PROS1: variants seen among roughly 807,000 people sequenced by gnomAD.
The protein encoded by PROS1 is protein S.
A neutral mutation model predicts 75.9 loss-of-function variants in PROS1; 29 were observed. The ratio of observed to expected loss-of-function variants is 0.38; its 90% CI spans 0.28 to 0.52. PROS1 has a LOEUF of 0.52. Among genes scored for constraint, PROS1 ranks in the 20% least tolerant of loss-of-function variants. The pLI is 0.83. For missense variants in PROS1, 680 were observed against 810.3 expected, an observed-to-expected ratio of 0.84 and a Z score of 1.95; for synonymous variants, 245 against 280.6, an observed-to-expected ratio of 0.87 and a Z score of 1.27.
intron 8 of PROS1, 152 bp from the exon 9 acceptor site, chr3:93,896,843 T>G (rs4513491): frequency 2.2e-5 from 14 of 632,856 alleles, no homozygotes; most frequent in Non-Finnish European, 3.7e-5. Flanking sequence ...TAATAATAAA[T>G]ACATATCTTC....
intron 3 of PROS1, among the ~76,000 whole-genome samples, chr3:93,916,905 G>T (rs1708859681): frequency 1.3e-5 from 2 of 152,116 alleles, no homozygotes; most frequent in South Asian, 4.1e-4. Context: ...ATCTTGATTT[G>T]TCAATTCTAA....
chr3:93,908,286 C>T (rs567625770), intron 4 of PROS1, among the ~76,000 whole-genome samples: 3 of 152,146 alleles, frequency 2.0e-5, no homozygotes, highest in African/African-American at 7.2e-5. Context: ...AGGAGAACAC[C>T]GTAATTCCTA....
At chr3:93,967,793 G>A (rs1709813283) in intron 1 of PROS1, 1 of 152,208 alleles carries the variant, frequency 6.6e-6, no homozygotes, top group Non-Finnish European at 1.5e-5. Flanking sequence ...GGAGGCTGAG[G>A]TGGAAGGATC....
intron 1 of PROS1, among the ~76,000 whole-genome samples, chr3:93,961,052 G>A (rs1287923451): frequency 6.6e-6 from 1 of 151,964 alleles, no homozygotes. Flanking sequence ...AAAGCTTTAT[G>A]ATAGTTCAAT....
chr3:93,874,157 A>C lies in PROS1; in HGVS notation c.*88T>G. 6.9e-7 allele frequency: 1 copy of C among 1,453,626 alleles called. No individual in the cohort carries two copies. Among genetic ancestry groups the C allele is most frequent in the Non-Finnish European group, 9.6e-7 (1 of 1,039,696 alleles). 90.0% of individuals were successfully genotyped at this position (1,453,626 alleles called of 1,614,324 possible). ...GGACCACAAAATAATCAAAGACTGCACATTGTAAATAAAACCCTTCAGCTG... is the reference window on the plus strand; with the variant it reads ...GGACCACAAAATAATCAAAGACTGCCCATTGTAAATAAAACCCTTCAGCTG... On this transcript the variant is annotated 3_prime_UTR_variant, in exon 15 of 15. Coordinates refer to ENST00000394236, the MANE Select transcript of PROS1 (RefSeq NM_000313.4).
chr3:93,961,939 CT>C (rs983610202), intron 1 of PROS1, among the ~76,000 whole-genome samples: 9 of 152,092 alleles, frequency 5.9e-5, no homozygotes, highest in African/African-American at 1.9e-4. Flanking sequence ...TACGTCACCC[CT>C]ACCTATTCTC....
At chr3:93,924,819 T>G (rs1331867746) in intron 2 of PROS1, among the ~76,000 whole-genome samples, 1 of 152,028 alleles carries the variant, frequency 6.6e-6, no homozygotes, top group Non-Finnish European at 1.5e-5. Flanking sequence ...CATGCCACCA[T>G]GCACAGCTGG....
chr3:93,956,557 C>CACAA (rs1553819516), intron 1 of PROS1, among the ~76,000 whole-genome samples: 10 of 78,100 alleles, frequency 1.3e-4, no homozygotes, highest in South Asian at 1.2e-3. Context: ...CACACACACA[C>CACAA]ACACAAACAC....
At chr3:93,898,029 TA>T (rs897865039) in intron 8 of PROS1, among the ~76,000 whole-genome samples, 8 of 152,142 alleles carry the variant, frequency 5.3e-5, no homozygotes, top group Non-Finnish European at 1.0e-4. Context: ...ATAAACCCTA[TA>T]ACGCCTAAGG....
chr3:93,902,758 AAAAG>A (rs1287410706), intron 6 of PROS1, among the ~76,000 whole-genome samples: 2 of 152,080 alleles, frequency 1.3e-5, no homozygotes, highest in African/African-American at 4.8e-5. Flanking sequence ...TCAAAAAAAA[AAAAG>A]AAGAAGAAGA....
chr3:93,906,373 C>T (rs1311868935), intron 4 of PROS1, among the ~76,000 whole-genome samples: 3 of 152,336 alleles, frequency 2.0e-5, no homozygotes, highest in Admixed American at 6.5e-5. Flanking sequence ...TGTAGAGTGG[C>T]CGCTGCCAAG....
At chr3:93,935,782 C>T (rs1479452096) in intron 1 of PROS1, among the ~76,000 whole-genome samples, 1 of 151,730 alleles carries the variant, frequency 6.6e-6, no homozygotes, top group Non-Finnish European at 1.5e-5. Flanking sequence ...ATCTCAGAAC[C>T]CTCTGTCAAA....
At chr3:93,886,217 G>A in intron 11 of PROS1, 119 bp downstream of exon 11, 3 of 817,850 alleles carry the variant, frequency 3.7e-6, no homozygotes, top group South Asian at 3.1e-5. Flanking sequence ...ATTTCAAGTT[G>A]TCACACTTAG....
intron 6 of PROS1, among the ~76,000 whole-genome samples, chr3:93,904,503 T>G (rs1708645089): frequency 6.6e-6 from 1 of 152,204 alleles, no homozygotes; most frequent in Non-Finnish European, 1.5e-5. Flanking sequence ...TACTAAACAC[T>G]GCTATTCAGT....
intron 2 of PROS1, among the ~76,000 whole-genome samples, chr3:93,926,765 T>TCC (rs1709024998): frequency 6.6e-6 from 1 of 152,202 alleles, no homozygotes; most frequent in African/African-American, 2.4e-5. Flanking sequence ...TCCTTTCCCC[T>TCC]CCCTCTAACA....
At position 93,956,126 on chromosome 3, in the gene PROS1, T is replaced by C. The variant is rs6771536; in HGVS notation, c.76+17548A>G. ...TCAGAAGCACTTATTTTAATAATTT[T>C]CATAATGCTATTCAAAGGTATCTAC... On this transcript the variant is annotated intron_variant, in intron 1 of 14. Transcript: ENST00000394236. Among the ~76,000 whole-genome samples, 771 of 152,284 alleles carry C rather than the reference T, an allele frequency of 5.1e-3. 4 individuals are homozygous for C. The highest frequency in any genetic ancestry group is 0.014 in the African/African-American group (583 of 41,528).
intron 1 of PROS1, among the ~76,000 whole-genome samples, chr3:93,932,823 T>C (rs1397995833): frequency 6.6e-6 from 1 of 152,198 alleles, no homozygotes; most frequent in African/African-American, 2.4e-5. Flanking sequence ...CACCCTCTGT[T>C]CAAGGAGGGC....
intron 1 of PROS1, among the ~76,000 whole-genome samples, chr3:93,941,933 G>A (rs987888089): frequency 2.0e-5 from 3 of 152,080 alleles, no homozygotes; most frequent in African/African-American, 7.2e-5. Context: ...CTCACCCTTT[G>A]TTGAGTCTCC....
At chr3:93,904,419 G>C (rs1031852580) in intron 6 of PROS1, among the ~76,000 whole-genome samples, 20 of 152,082 alleles carry the variant, frequency 1.3e-4, no homozygotes, top group Admixed American at 1.1e-3. Flanking sequence ...CTGTTTAGAA[G>C]AATTTGTTGT....
Sources: gnomAD v4.1 joint callset for allele counts (sites outside exome capture counted in the v4.1 genomes callset) on GRCh38, gnomAD v4.1.1 for gene constraint, MANE v1.5 for transcripts, NCBI Gene and HGNC (gene_info 2026-07-23, HGNC 2026-07-21) for gene names.